ARHGAP22: variants seen among roughly 807,000 people sequenced by gnomAD.
ARHGAP22 encodes rho GTPase-activating protein 22.
In ARHGAP22, 48 loss-of-function variants were observed where a neutral mutation model predicts 59.1. The ratio of observed to expected loss-of-function variants is 0.81; its 90% CI spans 0.64 to 1.03. The LOEUF is 1.03. Ranked by LOEUF, ARHGAP22 falls within the 50% of genes least tolerant of loss-of-function variation. The pLI is 0.00. For synonymous variants in ARHGAP22, 445 were observed against 416.4 expected, an observed-to-expected ratio of 1.07 and a Z score of -0.84; for missense variants, 1,015 against 958.7, an observed-to-expected ratio of 1.06 and a Z score of -0.78.
chr10:48,434,802 A>G, the ARHGAP22 span: 1 of 1,259,430 alleles, frequency 7.9e-7, no homozygotes. Context: ...AAAAATTACC[A>G]CTGGAGGCAG....
chr10:48,433,539 C>G, the ARHGAP22 span, among the ~76,000 whole-genome samples: 2 of 152,128 alleles, frequency 1.3e-5, no homozygotes, highest in Admixed American at 1.3e-4. Context: ...ATTATCACCT[C>G]TTTTACCTCT....
chr10:48,570,463 G>A (rs1341866025), intron 2 of ARHGAP22, among the ~76,000 whole-genome samples: 1 of 152,240 alleles, frequency 6.6e-6, no homozygotes, highest in Non-Finnish European at 1.5e-5. Flanking sequence ...TGCTGCAGAA[G>A]ACACTTTTCA....
chr10:48,608,789 G>A (rs985153304), upstream of ARHGAP22, among the ~76,000 whole-genome samples: 4 of 152,162 alleles, frequency 2.6e-5, no homozygotes, highest in Non-Finnish European at 5.9e-5. Flanking sequence ...AGTTTTGTAA[G>A]CCAGTTGTTT....
chr10:48,580,648 A>C (rs945280668), intron 2 of ARHGAP22, among the ~76,000 whole-genome samples: 1 of 152,176 alleles, frequency 6.6e-6, no homozygotes, highest in African/African-American at 2.4e-5. Context: ...GTCAGCCAGG[A>C]AAGCCAAGAC....
downstream of ARHGAP22, chr10:48,443,767 T>C (rs2045257921): frequency 6.6e-6 from 1 of 152,178 alleles, no homozygotes; most frequent in Non-Finnish European, 1.5e-5. Flanking sequence ...ATGGGTTCCA[T>C]TCCGAAATTC....
At chr10:48,639,263 CAATT>C (rs2061946823) in intron 1 of ARHGAP22, among the ~76,000 whole-genome samples, 1 of 152,300 alleles carries the variant, frequency 6.6e-6, no homozygotes, top group Admixed American at 6.5e-5. Flanking sequence ...GACCAATGCT[CAATT>C]AGTCTGAGGT....
chr10:48,584,699 T>C (rs1333284363), intron 1 of ARHGAP22, among the ~76,000 whole-genome samples: 16 of 152,206 alleles, frequency 1.1e-4, no homozygotes, highest in Non-Finnish European at 1.9e-4. Flanking sequence ...TGACAGTAAA[T>C]ATTACATAGT....
At chr10:48,498,539 G>A (rs945314528) in intron 3 of ARHGAP22, among the ~76,000 whole-genome samples, 2 of 152,148 alleles carry the variant, frequency 1.3e-5, no homozygotes, top group East Asian at 1.9e-4. Flanking sequence ...CAGTGGCCCC[G>A]CTGCAGCCTC....
intron 3 of ARHGAP22, among the ~76,000 whole-genome samples, chr10:48,543,515 T>G (rs545186968): frequency 1.4e-4 from 21 of 152,320 alleles, no homozygotes; most frequent in Middle Eastern, 3.4e-3. Context: ...AAAAGTGCCA[T>G]TAAAGGGATT....
At chr10:48,470,682 C>G (rs1202145909) in intron 4 of ARHGAP22, among the ~76,000 whole-genome samples, 4 of 152,218 alleles carry the variant, frequency 2.6e-5, no homozygotes, top group Non-Finnish European at 4.4e-5. Flanking sequence ...TCAAGTACCC[C>G]TTCTGCTGGC....
chr10:48,513,505 G>A (rs2053000153), intron 3 of ARHGAP22, among the ~76,000 whole-genome samples: 1 of 152,138 alleles, frequency 6.6e-6, no homozygotes, highest in Non-Finnish European at 1.5e-5. Flanking sequence ...CTCCTCAAAG[G>A]GTAGAAGACT....
chr10:48,584,382 C>G (rs2059295454), intron 1 of ARHGAP22, among the ~76,000 whole-genome samples: 1 of 152,176 alleles, frequency 6.6e-6, no homozygotes, highest in Non-Finnish European at 1.5e-5. Flanking sequence ...ATGGTGAGCT[C>G]CTATATATCC....
At chr10:48,505,589 G>A (rs1312253544) in intron 3 of ARHGAP22, among the ~76,000 whole-genome samples, 1 of 152,162 alleles carries the variant, frequency 6.6e-6, no homozygotes, top group Non-Finnish European at 1.5e-5. Flanking sequence ...GGCTGGAGGT[G>A]GCTCCAGAAC....
chr10:48,523,635 G>A (rs947535994), intron 3 of ARHGAP22, among the ~76,000 whole-genome samples: 3 of 152,240 alleles, frequency 2.0e-5, no homozygotes, highest in Admixed American at 6.5e-5. Context: ...CGCAGGGGCG[G>A]CGCAGGGCGC....
chr10:48,550,374 T>C (rs2056806123), intron 3 of ARHGAP22, among the ~76,000 whole-genome samples: 1 of 152,264 alleles, frequency 6.6e-6, no homozygotes, highest in South Asian at 2.1e-4. Context: ...CAGATCATTA[T>C]ACAGAATGGC....
At chr10:48,460,132 T>G (rs908169070) in intron 4 of ARHGAP22, among the ~76,000 whole-genome samples, 2 of 152,154 alleles carry the variant, frequency 1.3e-5, no homozygotes, top group Middle Eastern at 3.4e-3. Flanking sequence ...GAGGGAGCAG[T>G]GAGATGGTGG....
intron 1 of ARHGAP22, among the ~76,000 whole-genome samples, chr10:48,601,348 CT>C (rs1457842345): frequency 6.6e-6 from 1 of 152,194 alleles, no homozygotes; most frequent in Non-Finnish European, 1.5e-5. Flanking sequence ...TCCCTAACCA[CT>C]TTTCAAGTAG....
intron 3 of ARHGAP22, among the ~76,000 whole-genome samples, chr10:48,527,264 G>A (rs2054409024): frequency 6.6e-6 from 1 of 152,106 alleles, no homozygotes. Context: ...TGGATGGATG[G>A]AGTAATGGAT....
chr10:48,535,357 C>T (rs1208076193), intron 3 of ARHGAP22, among the ~76,000 whole-genome samples: 2 of 152,212 alleles, frequency 1.3e-5, no homozygotes, highest in Non-Finnish European at 2.9e-5. Context: ...AGTGGGGCTG[C>T]TCCATGTGGT....
Sources: allele counts gnomAD v4.1 joint callset (sites outside exome capture counted in the v4.1 genomes callset), GRCh38; gene constraint gnomAD v4.1.1; transcripts MANE v1.5; gene names NCBI Gene and HGNC (gene_info 2026-07-23, HGNC 2026-07-21).